Variants in WWTR1 observed in about 807,000 individuals in gnomAD.
WWTR1 encodes WW domain containing transcription regulator 1.
WWTR1 carries 13 observed loss-of-function variants against 40.1 expected under a neutral mutation model. That is an observed-to-expected ratio of 0.32 (90% CI 0.21 to 0.52). The LOEUF (loss-of-function observed/expected upper bound fraction) is 0.52, where lower values mean the gene tolerates loss of function less well. WWTR1 is among the 20% of genes least tolerant of loss of function. The pLI is 0.97. For synonymous variants in WWTR1, 230 were observed against 210.1 expected, an observed-to-expected ratio of 1.09 and a Z score of -0.82; for missense variants, 436 against 523.1, an observed-to-expected ratio of 0.83 and a Z score of 1.63.
At chr3:149,632,470 G>A (rs996716510) in intron 2 of WWTR1, among the ~76,000 whole-genome samples, 3 of 152,126 alleles carry the variant, frequency 2.0e-5, no homozygotes, top group Non-Finnish European at 2.9e-5. Flanking sequence ...ACTGCTCTCT[G>A]ACATTGATGA....
chr3:149,699,872 A>C (rs892031772), intron 1 of WWTR1, among the ~76,000 whole-genome samples: 4 of 152,198 alleles, frequency 2.6e-5, no homozygotes, highest in African/African-American at 4.8e-5. Context: ...CCTGTGACCC[A>C]GTTCCAAAGC....
chr3:149,535,775 G>A (rs549863907), intron 4 of WWTR1, among the ~76,000 whole-genome samples: 78 of 151,670 alleles, frequency 5.1e-4, no homozygotes, highest in African/African-American at 1.8e-3. Context: ...CACTTTGGGA[G>A]GCCAGGGTGG....
chr3:149,655,464 A>C (rs565450155), intron 2 of WWTR1, among the ~76,000 whole-genome samples: 3 of 152,118 alleles, frequency 2.0e-5, no homozygotes, highest in East Asian at 3.9e-4. Context: ...AACAAACAAC[A>C]AACAACAACA....
intron 2 of WWTR1, among the ~76,000 whole-genome samples, chr3:149,632,563 C>T (rs1012671813): frequency 1.3e-5 from 2 of 152,190 alleles, no homozygotes; most frequent in African/African-American, 2.4e-5. Flanking sequence ...TAGAGGGAAA[C>T]TGCTGTTGGC....
chr3:149,644,482 C>T (rs150893429), intron 2 of WWTR1, among the ~76,000 whole-genome samples: 82 of 152,254 alleles, frequency 5.4e-4, no homozygotes, highest in African/African-American at 1.9e-3. Context: ...CCAGCAGAGA[C>T]GTCACTTTCT....
chr3:149,718,239 T>G (rs1362174892), intron 4 of WWTR1, among the ~76,000 whole-genome samples: 1 of 152,152 alleles, frequency 6.6e-6, no homozygotes, highest in Non-Finnish European at 1.5e-5. Flanking sequence ...AAACTTGGAA[T>G]TTTGTATCTC....
chr3:149,575,595 A>G (rs1737842793), intron 2 of WWTR1, among the ~76,000 whole-genome samples: 1 of 152,230 alleles, frequency 6.6e-6, no homozygotes, highest in African/African-American at 2.4e-5. Flanking sequence ...ATTTGCTGGA[A>G]GATGTTCAAG....
chr3:149,610,416 G>C (rs554221217), intron 2 of WWTR1, among the ~76,000 whole-genome samples: 2 of 152,258 alleles, frequency 1.3e-5, no homozygotes, highest in Admixed American at 1.3e-4. Flanking sequence ...GGGTGTCTCT[G>C]TTCACTTACA....
chr3:149,592,870 A>T (rs114820468), intron 2 of WWTR1, among the ~76,000 whole-genome samples: 4,349 of 152,216 alleles, frequency 0.029, 183 homozygotes, highest in African/African-American at 0.1. Context: ...GGAACCTAGT[A>T]TAAGGCCTTG....
chr3:149,615,120 C>A (rs1314526380), intron 2 of WWTR1, among the ~76,000 whole-genome samples: 2 of 152,198 alleles, frequency 1.3e-5, no homozygotes. Context: ...TATGTGCAGA[C>A]CAGCATGTGG....
chr3:149,714,262 G>T (rs541230130), intron 5 of WWTR1, among the ~76,000 whole-genome samples: 5 of 152,150 alleles, frequency 3.3e-5, no homozygotes, highest in African/African-American at 1.2e-4. Context: ...TGTGCTTAGG[G>T]GCTGGGAGCA....
chr3:149,520,669 G>A lies in WWTR1; in HGVS notation c.*136C>T. ...TCAAAACCAGGCAATGATTAAACTG[G>A]CAACATAAAAAGGAGGGAGCACGAG... On this transcript the variant is annotated 3_prime_UTR_variant, in exon 7 of 7. Transcript: ENST00000360632. The A allele has an allele frequency of 1.4e-6, 1 of 706,234 alleles. No individual in the cohort carries two copies. The highest frequency in any genetic ancestry group is 3.1e-5 in the East Asian group (1 of 32,652). 43.7% of individuals were successfully genotyped at this position (706,234 alleles called of 1,614,324 possible).
intron 3 of WWTR1, among the ~76,000 whole-genome samples, chr3:149,558,845 A>T (rs1328643365): frequency 6.6e-6 from 1 of 152,240 alleles, no homozygotes; most frequent in Non-Finnish European, 1.5e-5. Flanking sequence ...ACTAAATGCA[A>T]TGTGAGATCC....
intron 3 of WWTR1, among the ~76,000 whole-genome samples, chr3:149,549,600 G>A (rs1055039474): frequency 1.3e-5 from 2 of 152,198 alleles, no homozygotes; most frequent in Non-Finnish European, 2.9e-5. Flanking sequence ...CACTTTGGGA[G>A]GCCGAGGCAG....
intron 2 of WWTR1, among the ~76,000 whole-genome samples, chr3:149,581,840 G>A (rs1310731322): frequency 2.0e-5 from 3 of 152,054 alleles, no homozygotes; most frequent in Admixed American, 6.6e-5. Flanking sequence ...TCTCCCTCAC[G>A]TCCTTCCCAC....
rs1229730229 is a variant in WWTR1 at position 149,520,599 on chromosome 3, AT to A, written c.*205del. 1 of 430,534 alleles carries A rather than the reference AT, an allele frequency of 2.3e-6. No homozygotes were observed. Among genetic ancestry groups the A allele is most frequent in the Non-Finnish European group, 4.0e-6 (1 of 250,104 alleles). 26.7% of individuals were successfully genotyped at this position (430,534 alleles called of 1,614,324 possible). On this transcript the variant is annotated 3_prime_UTR_variant, in exon 7 of 7. Coordinates refer to ENST00000360632, the MANE Select transcript of WWTR1 (RefSeq NM_015472.6). ...TCACAAGAACGCAGGCTTGCAGAAA[AT>A]GAAAATAGAATATTTATTTATGTTT...
intron 2 of WWTR1, among the ~76,000 whole-genome samples, chr3:149,585,713 G>A (rs56239167): frequency 0.31 from 46,876 of 152,090 alleles, 8,016 homozygotes; most frequent in East Asian, 0.61. Context: ...ATTTAAAGTA[G>A]AAAGGGGACT....
intron 2 of WWTR1, among the ~76,000 whole-genome samples, chr3:149,630,495 G>A (rs1711515851): frequency 6.6e-6 from 1 of 152,190 alleles, no homozygotes; most frequent in South Asian, 2.1e-4. Flanking sequence ...ATTTGGGACA[G>A]ATAATCAGAA....
chr3:149,712,541 T>C (rs1366262369), intron 5 of WWTR1, among the ~76,000 whole-genome samples: 2 of 152,202 alleles, frequency 1.3e-5, no homozygotes, highest in African/African-American at 4.8e-5. Flanking sequence ...AAACTGGATG[T>C]TTTTAGTTGC....
Sources: allele counts gnomAD v4.1 joint callset (sites outside exome capture counted in the v4.1 genomes callset), GRCh38; gene constraint gnomAD v4.1.1; transcripts MANE v1.5; gene names NCBI Gene and HGNC (gene_info 2026-07-23, HGNC 2026-07-21).